The following TCP11L1 variants were observed in gnomAD, a reference collection of about 807,000 sequenced individuals.
The protein encoded by TCP11L1 is t-complex 11 like 1.
TCP11L1 carries 28 observed loss-of-function variants against 48.9 expected under a neutral mutation model. The ratio of observed to expected loss-of-function variants is 0.57; its 90% CI spans 0.42 to 0.78. The LOEUF (loss-of-function observed/expected upper bound fraction) is 0.78, where lower values mean the gene tolerates loss of function less well. Among genes scored for constraint, TCP11L1 ranks in the 30% least tolerant of loss-of-function variants. TCP11L1 has a pLI of 0.00. For missense variants in TCP11L1, 505 were observed against 613.4 expected, an observed-to-expected ratio of 0.82 and a Z score of 1.87; for synonymous variants, 204 against 231.9, an observed-to-expected ratio of 0.88 and a Z score of 1.09.
chr11:33,062,447 A>G (rs957555611), intron 7 of TCP11L1, among the ~76,000 whole-genome samples: 1 of 152,200 alleles, frequency 6.6e-6, no homozygotes. Flanking sequence ...GTTGTAGCAC[A>G]TATAGCAGTA....
chr11:33,044,553 G>T (rs1853932945), intron 2 of TCP11L1, among the ~76,000 whole-genome samples: 1 of 152,116 alleles, frequency 6.6e-6, no homozygotes, highest in African/African-American at 2.4e-5. Flanking sequence ...TTTTTAAGAG[G>T]GAATGTCATA....
At chr11:33,044,145 T>G (rs781203816) in intron 2 of TCP11L1, 2 of 458,338 alleles carry the variant, frequency 4.4e-6, no homozygotes, top group East Asian at 3.7e-5. Context: ...TTTAGAATAA[T>G]GTCCAGAACG....
intron 2 of TCP11L1, among the ~76,000 whole-genome samples, chr11:33,045,263 G>A (rs1373370146): frequency 6.6e-6 from 1 of 151,872 alleles, no homozygotes; most frequent in Non-Finnish European, 1.5e-5. Context: ...TAAGGCAGGA[G>A]GATCACTTGA....
At chr11:33,062,302 C>G (rs1854490730) in intron 7 of TCP11L1, among the ~76,000 whole-genome samples, 2 of 151,506 alleles carry the variant, frequency 1.3e-5, no homozygotes, top group South Asian at 4.2e-4. Flanking sequence ...CTGCCCTCCC[C>G]CCCTCCCTCC....
chr11:33,065,895 G>C lies in TCP11L1; in HGVS notation c.1038G>C (p.Leu346=). 6.2e-7 allele frequency: 1 copy of C among 1,614,216 alleles called. No individual in the cohort carries two copies. Among genetic ancestry groups the C allele is most frequent in the Non-Finnish European group, 8.5e-7 (1 of 1,180,014 alleles). ...TGCAGCTGGAACAACTGACCATCCT[G>C]GGGGCTGTGTTGCTGGTCACCTTCA... is the stretch of plus-strand genomic sequence containing the variant. ...LQLQLEQLTI[L]GAVLLVTFSM... Residue 346 remains leucine, a synonymous_variant, in exon 8 of 10, where the codon CTG becomes CTC. Transcript: ENST00000334274.
chr11:33,067,358 C>A (rs968703542), intron 8 of TCP11L1, among the ~76,000 whole-genome samples: 16 of 152,226 alleles, frequency 1.1e-4, no homozygotes, highest in African/African-American at 3.9e-4. Context: ...CTCATCCTTA[C>A]AAAATGGAGG....
In TCP11L1 at chr11:33,057,105, A is replaced by G. The variant is rs1193210559; in HGVS notation, c.297-10A>G. 18 of 1,602,746 alleles carry G rather than the reference A, an allele frequency of 1.1e-5. No individual in the cohort carries two copies. Among genetic ancestry groups the G allele is most frequent in the Non-Finnish European group, 1.5e-5 (18 of 1,176,900 alleles). ...TTTTGCCCCCCTCCTTTTTTTTTTC[A>G]CTGCCCCAGCTTGAAGAAGAGAGTA... is the stretch of plus-strand genomic sequence containing the variant. On this transcript the variant is annotated splice_polypyrimidine_tract_variant and intron_variant, in intron 3 of 9. Coordinates refer to ENST00000334274, the MANE Select transcript of TCP11L1 (RefSeq NM_018393.4).
rs751051627 is a variant in TCP11L1, at chr11:33,057,242, CAA to C, written c.417+9_417+10del. On this transcript the variant is annotated splice_region_variant and intron_variant, in intron 4 of 9. Transcript: ENST00000334274. ...TGTAGGAGAAATCAAAGAGGTGAGG[CAA>C]AGAGTGAATTGTGATGCTTTTCTGG... is the stretch of plus-strand genomic sequence containing the variant. 3 of 1,613,908 alleles carry C rather than the reference CAA, an allele frequency of 1.9e-6. No homozygotes were observed. Among genetic ancestry groups the C allele is most frequent in the Admixed American group, 1.7e-5 (1 of 60,002 alleles).
At chr11:33,062,514 A>G (rs975759885) in intron 7 of TCP11L1, among the ~76,000 whole-genome samples, 8 of 152,198 alleles carry the variant, frequency 5.3e-5, no homozygotes, top group African/African-American at 1.7e-4. Context: ...TACACATAAC[A>G]TAAAATTTAC....
At chr11:33,071,771 C>T (rs975764656) in intron 9 of TCP11L1, among the ~76,000 whole-genome samples, 25 of 152,202 alleles carry the variant, frequency 1.6e-4, no homozygotes, top group African/African-American at 4.8e-4. Context: ...ACAATGGTCT[C>T]AGGATGTGTT....
intron 7 of TCP11L1, among the ~76,000 whole-genome samples, chr11:33,063,750 C>T (rs1296383930): frequency 6.6e-6 from 1 of 152,212 alleles, no homozygotes; most frequent in Non-Finnish European, 1.5e-5. Context: ...GATCCAGATA[C>T]TTCTCTAAAT....
At chr11:33,045,942 G>T (rs1238684121) in intron 2 of TCP11L1, among the ~76,000 whole-genome samples, 1 of 152,226 alleles carries the variant, frequency 6.6e-6, no homozygotes, top group African/African-American at 2.4e-5. Context: ...TATGGAACAT[G>T]TTCTGCTACT....
At chr11:33,070,808 C>T (rs990692324) in intron 9 of TCP11L1, among the ~76,000 whole-genome samples, 5 of 151,780 alleles carry the variant, frequency 3.3e-5, no homozygotes, top group Non-Finnish European at 5.9e-5. Flanking sequence ...TTGAGACCAG[C>T]CTGGCCAACA....
chr11:33,055,097 T>C (rs1470909358), intron 3 of TCP11L1, among the ~76,000 whole-genome samples: 1 of 152,260 alleles, frequency 6.6e-6, no homozygotes. Context: ...TCAAAAACTC[T>C]ATTGGTTGTA....
At chr11:33,064,849 C>G (rs1047676900) in intron 7 of TCP11L1, among the ~76,000 whole-genome samples, 1 of 152,220 alleles carries the variant, frequency 6.6e-6, no homozygotes, top group Admixed American at 6.5e-5. Flanking sequence ...TGGCTATTCA[C>G]AGGCATAATC....
chr11:33,047,953 T>C (rs898974392), intron 2 of TCP11L1, among the ~76,000 whole-genome samples: 6 of 152,214 alleles, frequency 3.9e-5, no homozygotes, highest in Non-Finnish European at 7.3e-5. Context: ...TATAGGCATC[T>C]CAGGACACCT....
intron 9 of TCP11L1, among the ~76,000 whole-genome samples, chr11:33,072,136 G>A (rs1365872418): frequency 1.3e-5 from 2 of 151,998 alleles, no homozygotes; most frequent in African/African-American, 2.4e-5. Context: ...GAGCCACCGC[G>A]CCTGGCCACT....
chr11:33,061,487 C>A, intron 6 of TCP11L1, 43 bp from the exon 7 acceptor site: 1 of 1,516,604 alleles, frequency 6.6e-7, no homozygotes, highest in East Asian at 2.3e-5. Flanking sequence ...AGAAGCATCC[C>A]TTCTTGGTGT....
At chr11:33,054,529 T>A (rs1402841612) in intron 2 of TCP11L1, 64 bp from the exon 3 acceptor site, 2 of 1,570,928 alleles carry the variant, frequency 1.3e-6, no homozygotes, top group Non-Finnish European at 1.7e-6. Context: ...AACCACTGTT[T>A]TCTTATTTTA....
Sources: gnomAD v4.1 joint callset for allele counts (sites outside exome capture counted in the v4.1 genomes callset) on GRCh38, gnomAD v4.1.1 for gene constraint, MANE v1.5 for transcripts, NCBI Gene and HGNC (gene_info 2026-07-23, HGNC 2026-07-21) for gene names.